Variants in FER1L5 observed in about 807,000 individuals in gnomAD.
FER1L5 encodes fer-1-like protein 5.
A neutral mutation model predicts 279.9 loss-of-function variants in FER1L5; 187 were observed. That is an observed-to-expected ratio of 0.67 (90% confidence interval 0.59 to 0.75). The LOEUF is 0.75. Ranked by LOEUF, FER1L5 falls within the 30% of genes least tolerant of loss-of-function variation. The pLI, the probability that FER1L5 is intolerant of heterozygous loss-of-function variation, is 0.00. For missense variants in FER1L5, 2,091 were observed against 2,594.4 expected (o/e 0.81, Z 4.21); for synonymous variants, 921 against 989.7 (o/e 0.93, Z 1.30).
At chr2:96,667,166 G>A (rs1179084602) in intron 14 of FER1L5, among the ~76,000 whole-genome samples, 11 of 152,124 alleles carry the variant, frequency 7.2e-5, no homozygotes, top group Non-Finnish European at 1.3e-4. Context: ...ACTGCATGTA[G>A]CATGAGAACT....
rs760036114 is a variant in FER1L5 at position 96,669,098 on chromosome 2, G to C, written c.1323G>C (p.Gly441=). The C allele has an allele frequency of 1.9e-6, 3 of 1,551,664 alleles. No homozygotes were observed. Among genetic ancestry groups the C allele is most frequent in the African/African-American group, 1.4e-5 (1 of 73,148 alleles). The part of the protein sequence containing the change: ...CFGPSFLTLH[G]GKKAPFRIQE... ...GCCCCAGCTTCCTGACTCTGCATGG[G>C]GGTAAAAAGGCCCCTTTCAGGATCC... The change falls in exon 17 of 53, where the codon GGG becomes GGC. Residue 441 remains glycine (G), a synonymous_variant. Coordinates refer to ENST00000624922, the MANE Select transcript of FER1L5 (RefSeq NM_001293083.2).
intron 36 of FER1L5, 51 bp from the exon 37 acceptor site, chr2:96,696,001 C>T: frequency 6.2e-7 from 1 of 1,611,116 alleles, no homozygotes; most frequent in South Asian, 1.1e-5. Context: ...GGTGCTTCCT[C>T]CTCAGCCCTC....
In FER1L5 at chr2:96,642,813, G is replaced by A. The variant is rs376165226; in HGVS notation, c.-24G>A. The A allele has an allele frequency of 9.5e-5, 147 of 1,549,618 alleles. No individual in the cohort carries two copies. The African/African-American group carries it at 1.8e-3, about 19-fold the overall frequency. ...GAAGCTGTGGCGCTGCGTAGGGAAG[G>A]AGGGAAGAAAGTAGGTCTCCGAGAT... On this transcript the variant is annotated 5_prime_UTR_variant, in exon 1 of 53. Transcript: ENST00000624922.
In FER1L5 at chr2:96,689,863, CTG is replaced by C; in HGVS notation, c.2640+106_2640+107del. The stretch of plus-strand genomic sequence containing the variant: ...GTGGAAAGGGTCTGAGCCCTATGCC[CTG>C]CACTATGTGTGGGGCCCCGGGTGAG... On this transcript the variant is annotated intron_variant, in intron 26 of 52. Transcript: ENST00000624922. The surrounding 1 kb of genome is among the most constrained non-coding windows in gnomAD (Gnocchi z 4.6). The C allele has an allele frequency of 4.0e-6, 4 of 1,005,030 alleles. No individual in the cohort carries two copies. The highest frequency in any genetic ancestry group is 4.3e-6 in the Non-Finnish European group (3 of 693,912). 62.3% of individuals were successfully genotyped at this position (1,005,030 alleles called of 1,614,324 possible).
At chr2:96,661,488 G>A in intron 11 of FER1L5, 48 bp downstream of exon 11, 2 of 1,532,790 alleles carry the variant, frequency 1.3e-6, no homozygotes, top group Non-Finnish European at 1.8e-6. Context: ...GCTGCCTCCT[G>A]GGGGCACCCC....
At position 96,662,235 on chromosome 2, in the gene FER1L5, C is replaced by T; in HGVS notation, c.1039C>T (p.Pro347Ser). Residue 347 changes from proline to serine, a missense_variant, in exon 13 of 53, where the codon CCT (proline) becomes TCT (serine). By Grantham distance (74) the Pro-to-Ser change is moderately conservative. Coordinates refer to ENST00000624922, the MANE Select transcript of FER1L5 (RefSeq NM_001293083.2). ...CATAGAGAAACACCAGTCAGTGAAT[C>T]CTCAGTTGGAGGTGGAACTAATTGG... ...LHLKKHQSVNPQLEVELIGEK... is the reference protein window; with the variant it reads ...LHLKKHQSVNSQLEVELIGEK... 1 of 1,551,542 alleles carries T rather than the reference C, an allele frequency of 6.4e-7. No individual in the cohort carries two copies. The highest frequency in any genetic ancestry group is 8.7e-7 in the Non-Finnish European group (1 of 1,146,928).
At chr2:96,701,714 C>A (rs1573976668) in intron 45 of FER1L5, among the ~76,000 whole-genome samples, 1 of 152,126 alleles carries the variant, frequency 6.6e-6, no homozygotes, top group African/African-American at 2.4e-5. Context: ...GGAATCCCAG[C>A]ACCATGCCAT....
At chr2:96,693,852 C>T in intron 32 of FER1L5, 59 bp from the exon 33 acceptor site, 1 of 1,492,868 alleles carries the variant, frequency 6.7e-7, no homozygotes, top group Non-Finnish European at 8.9e-7. Flanking sequence ...TTGAGAAGCC[C>T]AGACAGAGCT....
At chr2:96,683,222 A>G (rs1166786083) in intron 19 of FER1L5, among the ~76,000 whole-genome samples, 27 of 152,212 alleles carry the variant, frequency 1.8e-4, no homozygotes, top group Admixed American at 1.8e-3. Context: ...TCATTCTTTC[A>G]TAGGTCTGGA....
chr2:96,688,425 G>C (rs962607335), intron 24 of FER1L5, among the ~76,000 whole-genome samples: 2 of 152,132 alleles, frequency 1.3e-5, no homozygotes, highest in African/African-American at 4.8e-5. Flanking sequence ...AGAGGAGTAG[G>C]ATCTGAGGCA....
intron 14 of FER1L5, 145 bp downstream of exon 14, chr2:96,663,652 G>A (rs1324533681): frequency 1.2e-6 from 1 of 857,138 alleles, no homozygotes; most frequent in South Asian, 1.6e-5. Context: ...GCATGAGGAA[G>A]CCCAGGACAT....
At chr2:96,681,473 C>A (rs753563473) in intron 19 of FER1L5, among the ~76,000 whole-genome samples, 1 of 152,190 alleles carries the variant, frequency 6.6e-6, no homozygotes, top group Non-Finnish European at 1.5e-5. Flanking sequence ...TTTAGCCAGA[C>A]CTCAGAGAAT....
At chr2:96,697,216 G>C (rs1056231746) in intron 37 of FER1L5, among the ~76,000 whole-genome samples, 3 of 152,134 alleles carry the variant, frequency 2.0e-5, no homozygotes, top group Non-Finnish European at 4.4e-5. Flanking sequence ...TCCAGACATC[G>C]TCACCAAAAG....
At chr2:96,670,328 CGT>C in intron 18 of FER1L5, 81 bp downstream of exon 18, 1 of 1,517,104 alleles carries the variant, frequency 6.6e-7, no homozygotes, top group Non-Finnish European at 8.9e-7. Flanking sequence ...AGTTTCTGAC[CGT>C]GTAGAGAGGC....
Position 96,676,463 on chromosome 2 carries a change from G to A in FER1L5, c.1669+3209G>A, listed in dbSNP as rs567195515. Among the ~76,000 whole-genome samples, 8 of 152,198 alleles carry A rather than the reference G, an allele frequency of 5.3e-5. No individual in the cohort carries two copies. In the South Asian group the frequency reaches 8.3e-4, roughly 16 times the overall value. Reference sequence around the variant, plus strand: ...ATTACAAGCGTGAGCCGCTGGGCCCGGCCTAGTTGTTCTTTTACAAAATAA... The same window carrying A: ...ATTACAAGCGTGAGCCGCTGGGCCCAGCCTAGTTGTTCTTTTACAAAATAA... On this transcript the variant is annotated intron_variant, in intron 19 of 52. Coordinates refer to ENST00000624922, the MANE Select transcript of FER1L5 (RefSeq NM_001293083.2).
intron 2 of FER1L5, 138 bp from the exon 3 acceptor site, chr2:96,646,926 G>A: frequency 1.1e-6 from 1 of 903,784 alleles, no homozygotes; most frequent in Admixed American, 2.9e-5. Flanking sequence ...CATCTCCTGA[G>A]GAAATTAGAC....
chr2:96,670,592 A>T (rs1558873708), intron 18 of FER1L5, among the ~76,000 whole-genome samples: 1 of 151,980 alleles, frequency 6.6e-6, no homozygotes, highest in Non-Finnish European at 1.5e-5. Context: ...AGCCTGGGCA[A>T]CATGGTGAAA....
chr2:96,671,798 C>T (rs1249295585), intron 18 of FER1L5, among the ~76,000 whole-genome samples: 2 of 152,260 alleles, frequency 1.3e-5, no homozygotes, highest in African/African-American at 4.8e-5. Context: ...TGGAGATTTG[C>T]AGAAAGGAGT....
intron 9 of FER1L5, among the ~76,000 whole-genome samples, chr2:96,659,428 T>TC (rs1250121476): frequency 2.1e-4 from 3 of 14,340 alleles, no homozygotes; most frequent in Admixed American, 2.1e-3. Flanking sequence ...TTTCTTTCTT[T>TC]CTTTCTTTCT....
Sources: allele counts gnomAD v4.1 joint callset (sites outside exome capture counted in the v4.1 genomes callset), GRCh38; gene constraint gnomAD v4.1.1; non-coding constraint Gnocchi (gnomAD v3.1); transcripts MANE v1.5; gene names NCBI Gene and HGNC (gene_info 2026-07-23, HGNC 2026-07-21).